The following SGCZ variants were observed in gnomAD, a reference collection of about 807,000 sequenced individuals.
The protein encoded by SGCZ is sarcoglycan zeta.
In SGCZ, 40 loss-of-function variants were observed where a neutral mutation model predicts 41.3. That is an observed-to-expected ratio of 0.97 (90% confidence interval 0.75 to 1.26). The LOEUF is 1.26. SGCZ is among the 50% of genes most tolerant of loss of function. The pLI is 0.00. For synonymous variants in SGCZ, 206 were observed against 137.5 expected (o/e 1.50, Z -3.49); for missense variants, 552 against 369.8 (o/e 1.49, Z -4.04).
At position 14,584,842 on chromosome 8, in the gene SGCZ, G is replaced by C. The variant is rs150190056; in HGVS notation, c.40-29916C>G. On this transcript the variant is annotated intron_variant, in intron 1 of 7. Coordinates refer to ENST00000382080, the MANE Select transcript of SGCZ (RefSeq NM_139167.4). ...TATTCACTGTATGATCACAATGACA[G>C]AGATAAGTACTATTATTCCCAATTT... 9.6e-3 allele frequency among the ~76,000 whole-genome samples: 1,458 copies of C among 152,134 alleles called. 25 individuals are homozygous for C. The highest frequency in any genetic ancestry group is 0.034 in the African/African-American group (1,391 of 41,504).
At chr8:14,293,320 T>A (rs1396623352) in intron 3 of SGCZ, among the ~76,000 whole-genome samples, 1 of 152,056 alleles carries the variant, frequency 6.6e-6, no homozygotes, top group Non-Finnish European at 1.5e-5. Flanking sequence ...CCATTTCTTT[T>A]TGCTTTTCAT....
rs529762873 is a variant in SGCZ at position 14,732,568 on chromosome 8, C to T, written c.40-177642G>A. Among the ~76,000 whole-genome samples, 6 of 152,316 alleles carry T rather than the reference C, an allele frequency of 3.9e-5. No homozygotes were observed. In the South Asian group the frequency reaches 8.3e-4, roughly 21 times the overall value. ...AGGAACCTGAATGCTAAGCCCCTCA[C>T]ACTCCACTGCAGGTGTAATCAGCAA... On this transcript the variant is annotated intron_variant, in intron 1 of 7. Coordinates refer to ENST00000382080, the MANE Select transcript of SGCZ (RefSeq NM_139167.4).
intron 2 of SGCZ, among the ~76,000 whole-genome samples, chr8:14,488,687 ACATTGAC>A (rs1801752480): frequency 6.6e-6 from 1 of 152,106 alleles, no homozygotes; most frequent in Non-Finnish European, 1.5e-5. Flanking sequence ...TGGCCTAATC[ACATTGAC>A]CAACCACTCT....
chr8:14,168,161 A>G (rs1804264126), intron 4 of SGCZ, among the ~76,000 whole-genome samples: 1 of 152,182 alleles, frequency 6.6e-6, no homozygotes, highest in Non-Finnish European at 1.5e-5. Flanking sequence ...TAGTATTACT[A>G]AAAGATTCAA....
chr8:14,573,691 A>T (rs891370381), intron 1 of SGCZ, among the ~76,000 whole-genome samples: 4 of 152,306 alleles, frequency 2.6e-5, no homozygotes, highest in Admixed American at 2.6e-4. Flanking sequence ...CAGTGTAAAA[A>T]ATTCTTTTAA....
rs35421677 is a variant in SGCZ, at chr8:15,223,856, T to TTTTATTTATTTA, written c.39+13717_39+13728dup. On this transcript the variant is annotated intron_variant, in intron 1 of 7. Coordinates refer to ENST00000382080, the MANE Select transcript of SGCZ (RefSeq NM_139167.4). ...GCCAGCGAAAAGCTCCTTTTTAAAT[T>TTTTATTTATTTA]TTTATTTATTTATTTATTTATTTAT... Among the ~76,000 whole-genome samples the TTTTATTTATTTA allele has an allele frequency of 1.9e-3, 292 of 149,784 alleles. 1 individual carries two copies. Among genetic ancestry groups the TTTTATTTATTTA allele is most frequent in the African/African-American group, 6.8e-3 (277 of 40,664 alleles).
intron 1 of SGCZ, among the ~76,000 whole-genome samples, chr8:14,644,652 T>A (rs551021762): frequency 6.6e-5 from 10 of 151,782 alleles, no homozygotes; most frequent in African/African-American, 2.2e-4. Context: ...TGTGTTCTTT[T>A]TCTGTCATGC....
chr8:14,675,139 A>C (rs1808232738), intron 1 of SGCZ, among the ~76,000 whole-genome samples: 1 of 150,134 alleles, frequency 6.7e-6, no homozygotes, highest in East Asian at 2.0e-4. Flanking sequence ...ACAGGCTTTC[A>C]CCGTGTTAGT....
At chr8:14,793,336 C>A (rs1389250578) in intron 1 of SGCZ, among the ~76,000 whole-genome samples, 1 of 152,144 alleles carries the variant, frequency 6.6e-6, no homozygotes, top group Non-Finnish European at 1.5e-5. Flanking sequence ...ACATCATGAT[C>A]AATGTTAATT....
chr8:14,424,819 C>T (rs186440636), intron 2 of SGCZ, among the ~76,000 whole-genome samples: 2 of 152,240 alleles, frequency 1.3e-5, no homozygotes, highest in East Asian at 3.9e-4. Flanking sequence ...TATCTTTCTA[C>T]ATTATGCTGA....
At chr8:14,641,520 A>G (rs531662723) in intron 1 of SGCZ, among the ~76,000 whole-genome samples, 1 of 151,816 alleles carries the variant, frequency 6.6e-6, no homozygotes, top group South Asian at 2.1e-4. Flanking sequence ...AAACGTTTTT[A>G]GAGTTTCCAA....
chr8:14,775,418 G>T (rs544445802), intron 1 of SGCZ, among the ~76,000 whole-genome samples: 2 of 151,034 alleles, frequency 1.3e-5, no homozygotes, highest in Non-Finnish European at 2.9e-5. Context: ...ATTTTCCTAC[G>T]TCCCCACTCT....
chr8:14,452,471 A>T (rs1354829983), intron 2 of SGCZ, among the ~76,000 whole-genome samples: 1 of 152,122 alleles, frequency 6.6e-6, no homozygotes, highest in Non-Finnish European at 1.5e-5. Context: ...TGACAGAGCA[A>T]GACTCGATCT....
At chr8:14,454,089 A>G (rs1800674240) in intron 2 of SGCZ, among the ~76,000 whole-genome samples, 1 of 152,188 alleles carries the variant, frequency 6.6e-6, no homozygotes, top group Admixed American at 6.5e-5. Flanking sequence ...CGTCCGCAGC[A>G]AGAATTTGGG....
At chr8:14,184,779 C>A (rs1450223284) in intron 4 of SGCZ, among the ~76,000 whole-genome samples, 1 of 152,150 alleles carries the variant, frequency 6.6e-6, no homozygotes, top group Non-Finnish European at 1.5e-5. Context: ...TGGGCTTAAT[C>A]TTTCATGATT....
chr8:14,399,675 T>G (rs2117241873), intron 2 of SGCZ, among the ~76,000 whole-genome samples: 1 of 152,260 alleles, frequency 6.6e-6, no homozygotes, highest in Admixed American at 6.5e-5. Context: ...AGATAATATT[T>G]TATTCATTGC....
At chr8:14,984,553 T>A (rs1194514028) in intron 1 of SGCZ, among the ~76,000 whole-genome samples, 1 of 152,090 alleles carries the variant, frequency 6.6e-6, no homozygotes, top group Non-Finnish European at 1.5e-5. Context: ...CGTGCTATAG[T>A]CTGGATTTTG....
At chr8:14,427,053 TGAATG>T (rs1799804446) in intron 2 of SGCZ, among the ~76,000 whole-genome samples, 1 of 142,692 alleles carries the variant, frequency 7.0e-6, no homozygotes, top group Non-Finnish European at 1.6e-5. Flanking sequence ...AATGAATGAA[TGAATG>T]AATGAATGAG....
At chr8:14,499,518 T>C (rs1802090563) in intron 2 of SGCZ, among the ~76,000 whole-genome samples, 1 of 152,084 alleles carries the variant, frequency 6.6e-6, no homozygotes, top group South Asian at 2.1e-4. Context: ...CTGTTTGTCA[T>C]TGGCTCCTTT....
Sources: allele counts gnomAD v4.1 joint callset (sites outside exome capture counted in the v4.1 genomes callset), GRCh38; gene constraint gnomAD v4.1.1; transcripts MANE v1.5; gene names NCBI Gene and HGNC (gene_info 2026-07-23, HGNC 2026-07-21).